PCDHA1: variants seen among roughly 807,000 people sequenced by gnomAD.
The protein encoded by PCDHA1 is protocadherin alpha 1.
A neutral mutation model predicts 61.3 loss-of-function variants in PCDHA1; 42 were observed. The observed-to-expected ratio is 0.69, with a 90% CI of 0.54 to 0.89. The LOEUF (loss-of-function observed/expected upper bound fraction) is 0.89, where lower values mean the gene tolerates loss of function less well. Ranked by LOEUF, PCDHA1 falls within the 40% of genes least tolerant of loss-of-function variation. The pLI is 0.00. For synonymous variants in PCDHA1, 610 were observed against 553.8 expected (o/e 1.10, Z -1.43); for missense variants, 1,256 against 1,235.3 (o/e 1.02, Z -0.25).
chr5:140,940,425 G>T (rs2153645742), intron 1 of PCDHA1, among the ~76,000 whole-genome samples: 1 of 152,034 alleles, frequency 6.6e-6, no homozygotes, highest in African/African-American at 2.4e-5. Flanking sequence ...AATTATTACT[G>T]ATCAAGTCTG....
chr5:140,786,169 C>A lies in PCDHA1; in HGVS notation c.-122C>A. ...ATCACTAAAAGTGAAGGAGGAAGCT[C>A]CATTTTGTCACCGCCTGAGAGAAGA... On this transcript the variant is annotated 5_prime_UTR_variant, in exon 1 of 4. Transcript: ENST00000504120. 7.7e-7 allele frequency: 1 copy of A among 1,297,276 alleles called. No individual in the cohort carries two copies. The highest frequency in any genetic ancestry group is 1.1e-6 in the Non-Finnish European group (1 of 942,382). The allele number at this position is 1,297,276 out of a possible 1,614,324, so 80.4% of individuals were successfully genotyped here. A position where few individuals can be genotyped will look rare whatever the true frequency, so the allele number is the denominator to read the frequency against.
At chr5:140,857,489 G>A (rs1168742927) in intron 1 of PCDHA1, 3 of 1,598,334 alleles carry the variant, frequency 1.9e-6, no homozygotes, top group African/African-American at 1.3e-5. Context: ...TGCGTGGGAC[G>A]CGGACGCGCA....
chr5:140,987,228 TAATA>T (rs1459014222), intron 3 of PCDHA1, among the ~76,000 whole-genome samples: 2 of 149,038 alleles, frequency 1.3e-5, no homozygotes, highest in Non-Finnish European at 3.0e-5. Flanking sequence ...AAAAAAAAAA[TAATA>T]AATAAAGAAA....
intron 1 of PCDHA1, chr5:140,803,820 G>A (rs1554122968): frequency 1.2e-5 from 8 of 661,080 alleles, no homozygotes; most frequent in African/African-American, 1.8e-5. Flanking sequence ...TTTGTTATTA[G>A]GTGCAGTAGT....
At chr5:140,979,159 T>C in intron 2 of PCDHA1, 152 bp downstream of exon 2, 4 of 1,426,630 alleles carry the variant, frequency 2.8e-6, no homozygotes, top group Non-Finnish European at 3.7e-6. Flanking sequence ...CCATGTTTAT[T>C]CCTTGAAAGA....
At chr5:140,849,283 A>G (rs1554142852) in intron 1 of PCDHA1, 1 of 1,191,538 alleles carries the variant, frequency 8.4e-7, no homozygotes, top group Admixed American at 2.6e-5. Context: ...CTGGTGATTC[A>G]CCCCAATGCC....
intron 1 of PCDHA1, chr5:140,968,024 A>C: frequency 1.2e-6 from 2 of 1,614,178 alleles, no homozygotes; most frequent in Non-Finnish European, 1.7e-6. Flanking sequence ...AAACTCCTAT[A>C]CACTGGTGGT....
chr5:140,869,469 G>T, intron 1 of PCDHA1: 1 of 1,614,210 alleles, frequency 6.2e-7, no homozygotes, highest in Non-Finnish European at 8.5e-7. Context: ...TGAACGTGGA[G>T]GTGAAGGACA....
chr5:140,805,493 A>G (rs1021980575), intron 1 of PCDHA1: 16 of 991,492 alleles, frequency 1.6e-5, no homozygotes, highest in South Asian at 9.3e-5. Context: ...GCGTAAAGCT[A>G]TTTTCACTAG....
chr5:140,966,864 T>A, intron 1 of PCDHA1: 1 of 1,564,920 alleles, frequency 6.4e-7, no homozygotes. Flanking sequence ...CTGCTGTTGC[T>A]GCTGCTGCTA....
intron 1 of PCDHA1, chr5:140,884,363 T>A (rs1444938392): frequency 6.2e-7 from 1 of 1,613,818 alleles, no homozygotes; most frequent in African/African-American, 1.3e-5. Context: ...TGTCAATGTT[T>A]ACTTGATCAT....
chr5:140,929,226 C>G lies in PCDHA1; in HGVS notation c.2395-49723C>G, dbSNP rs782065898. ...TGTTGCGTGGGGAGTACAATGCTGC[C>G]GACCTGCGAAATCTTGCCACTGGGG... is the stretch of plus-strand genomic sequence containing the variant. On this transcript the variant is annotated intron_variant, in intron 1 of 3. Transcript: ENST00000504120. 5.0e-6 allele frequency: 8 copies of G among 1,613,768 alleles called. No homozygotes were observed. In the South Asian group the frequency reaches 8.8e-5, roughly 18 times the overall value.
rs782686561 is a variant in PCDHA1, at chr5:140,796,308, G to A, written c.2394+7624G>A. ...GCGTGTCCATCGAGGTGGCCGACGTGAACGACAACGCGCCGGCGTTCGCAC... is the reference window on the plus strand; with the variant it reads ...GCGTGTCCATCGAGGTGGCCGACGTAAACGACAACGCGCCGGCGTTCGCAC... On this transcript the variant is annotated intron_variant, in intron 1 of 3. Coordinates refer to ENST00000504120, the MANE Select transcript of PCDHA1 (RefSeq NM_018900.4). 6.8e-6 allele frequency: 11 copies of A among 1,614,136 alleles called. No homozygotes were observed. The South Asian group carries it at 7.7e-5, about 11-fold the overall frequency.
chr5:140,807,015 A>G (rs1763830402), intron 1 of PCDHA1: 2 of 792,008 alleles, frequency 2.5e-6, no homozygotes, highest in Non-Finnish European at 2.0e-6. Flanking sequence ...CACAAAATAC[A>G]TGAGAGAAGG....
chr5:140,863,136 G>A (rs1554157813), intron 1 of PCDHA1: 5 of 603,754 alleles, frequency 8.3e-6, no homozygotes, highest in South Asian at 5.5e-5. Context: ...ACCGCCTGCT[G>A]GTGCTGGTGA....
chr5:140,870,080 C>T (rs2051640102), intron 1 of PCDHA1: 1 of 1,613,722 alleles, frequency 6.2e-7, no homozygotes, highest in Non-Finnish European at 8.5e-7. Flanking sequence ...GATAAGGGGA[C>T]TCCCCCAATG....
intron 1 of PCDHA1, among the ~76,000 whole-genome samples, chr5:140,976,680 C>T (rs2096726528): frequency 6.6e-6 from 1 of 152,146 alleles, no homozygotes; most frequent in African/African-American, 2.4e-5. Context: ...CTCATTTTTG[C>T]AATTTAAGTA....
chr5:140,971,999 A>G (rs543282950), intron 1 of PCDHA1, among the ~76,000 whole-genome samples: 18 of 152,302 alleles, frequency 1.2e-4, no homozygotes, highest in African/African-American at 3.8e-4. Flanking sequence ...TCCAATGTTT[A>G]TATTCCCTTT....
chr5:140,893,040 C>A (rs1554185508), intron 1 of PCDHA1, among the ~76,000 whole-genome samples: 1 of 152,226 alleles, frequency 6.6e-6, no homozygotes, highest in African/African-American at 2.4e-5. Flanking sequence ...AACATATGCC[C>A]TCCAGGCTCA....
Sources: gnomAD v4.1 joint callset for allele counts (sites outside exome capture counted in the v4.1 genomes callset) on GRCh38, gnomAD v4.1.1 for gene constraint, MANE v1.5 for transcripts, NCBI Gene and HGNC (gene_info 2026-07-23, HGNC 2026-07-21) for gene names.